Variants in ZFHX3 observed in about 807,000 individuals in gnomAD.
ZFHX3 encodes the protein zinc finger homeobox protein 3.
ZFHX3 carries 42 observed loss-of-function variants against 279.1 expected under a neutral mutation model. The observed-to-expected ratio is 0.15, with a 90% CI of 0.12 to 0.19. The LOEUF is 0.19. Ranked by LOEUF, ZFHX3 falls within the 10% of genes least tolerant of loss-of-function variation. ZFHX3 has a pLI of 1.00. For missense variants in ZFHX3, 4,981 were observed against 4,754.0 expected (o/e 1.05, Z -1.40); for synonymous variants, 2,293 against 1,957.8 (o/e 1.17, Z -4.52).
chr16:72,848,925 C>CT (rs397828697), intron 4 of ZFHX3, among the ~76,000 whole-genome samples: 11 of 66 alleles, frequency 0.17, no homozygotes, highest in East Asian at 0.5. Flanking sequence ...GCAGGCAGAG[C>CT]GCCGGGCTGC....
At chr16:73,771,105 T>A (rs2054012630) in intron 1 of ZFHX3, among the ~76,000 whole-genome samples, 1 of 152,180 alleles carries the variant, frequency 6.6e-6, no homozygotes, top group Non-Finnish European at 1.5e-5. Context: ...AGGTCAAGGA[T>A]GCTAGAGACT....
chr16:73,324,115 T>C (rs943240959), intron 3 of ZFHX3, among the ~76,000 whole-genome samples: 2 of 152,192 alleles, frequency 1.3e-5, no homozygotes, highest in African/African-American at 4.8e-5. Context: ...TGTAGCCAAG[T>C]GTAGCCAGAC....
rs758008293 is a variant in ZFHX3 at position 72,811,659 on chromosome 16, A to G, written c.3782T>C (p.Leu1261Pro). 1 of 1,613,880 alleles carries G rather than the reference A, an allele frequency of 6.2e-7. No homozygotes were observed. Among genetic ancestry groups the G allele is most frequent in the East Asian group, 2.2e-5 (1 of 44,878 alleles). ...CAGCTGGAGGTGGATCTTGTTGTTG[A>G]GCATGTCCTGGCACAGGGGGCAGCG... ...MLRCPLCQDMLNNKIHLQLHL... is the reference protein window; with the variant it reads ...MLRCPLCQDMPNNKIHLQLHL... The change falls in exon 7 of 10, where the codon CTC becomes CCC. Residue 1261 changes from leucine to proline, a missense_variant. Physicochemically the swap from Leu to Pro is moderately conservative, Grantham distance 98. Around this residue, in one of 7 missense-constraint regions of ZFHX3, gnomAD observed 1,751 missense variants for 1,770.0 expected, o/e 0.99. Coordinates refer to ENST00000268489, the MANE Select transcript of ZFHX3 (RefSeq NM_006885.4).
At chr16:73,370,512 G>C (rs906419905) in intron 3 of ZFHX3, among the ~76,000 whole-genome samples, 1 of 152,192 alleles carries the variant, frequency 6.6e-6, no homozygotes, top group Non-Finnish European at 1.5e-5. Flanking sequence ...AACACAAATA[G>C]GAAGCTCAGA....
chr16:73,156,643 C>T (rs530177797), intron 5 of ZFHX3, among the ~76,000 whole-genome samples: 5 of 152,146 alleles, frequency 3.3e-5, no homozygotes, highest in Non-Finnish European at 7.4e-5. Flanking sequence ...GCAGCCTCGA[C>T]CTCCTGGGTT....
At chr16:73,121,827 G>A (rs971066611) in intron 7 of ZFHX3, among the ~76,000 whole-genome samples, 4 of 151,908 alleles carry the variant, frequency 2.6e-5, no homozygotes, top group African/African-American at 7.3e-5. Context: ...ATGTTAGTCC[G>A]GATGGTCTGT....
At chr16:72,863,912 C>T (rs887681934) in intron 4 of ZFHX3, among the ~76,000 whole-genome samples, 1 of 152,034 alleles carries the variant, frequency 6.6e-6, no homozygotes, top group African/African-American at 2.4e-5. Flanking sequence ...GTCACGAGAT[C>T]GAGACCATCC....
rs571798967 is a variant in ZFHX3, at chr16:73,105,341, G to A, written c.-896-11743C>T. Among the ~76,000 whole-genome samples, 322 of 109,644 alleles carry A rather than the reference G, an allele frequency of 2.9e-3. 6 individuals carry two copies. The highest frequency in any genetic ancestry group is 9.7e-3 in the African/African-American group (301 of 30,968). 71.9% of individuals were successfully genotyped at this position (109,644 alleles called of 152,430 possible). A position where few individuals can be genotyped will look rare whatever the true frequency, so the allele number is the denominator to read the frequency against. On this transcript the variant is annotated intron_variant, in intron 7 of 17. Coordinates refer to the ZFHX3 transcript ENST00000641206. ...CACACATACACACACACACACGTGT[G>A]TATATATATATACACATATATATAC...
chr16:73,492,077 T>C (rs75838667), intron 2 of ZFHX3, among the ~76,000 whole-genome samples: 6,897 of 152,340 alleles, frequency 0.045, 225 homozygotes, highest in Non-Finnish European at 0.07. Context: ...GCTACATACC[T>C]ATGCAGCTGT....
intron 3 of ZFHX3, among the ~76,000 whole-genome samples, chr16:73,393,589 G>A (rs141769169): frequency 1.3e-5 from 2 of 152,306 alleles, no homozygotes; most frequent in South Asian, 2.1e-4. Flanking sequence ...GCTACTGGAC[G>A]TATGCATTCC....
Position 73,579,854 on chromosome 16 carries a change from T to TTATATATATATATATATA in ZFHX3, c.-1547+100308_-1547+100325dup, listed in dbSNP as rs200667144. On this transcript the variant is annotated intron_variant, in intron 2 of 17. Coordinates refer to the ZFHX3 transcript ENST00000641206. ...GGTTCACAAATATATATTATACAGA[T>TTATATATATATATATATA]TATATATATATATATATATACATAC... is the stretch of plus-strand genomic sequence containing the variant. Among the ~76,000 whole-genome samples the TTATATATATATATATATA allele has an allele frequency of 5.5e-3, 776 of 140,848 alleles. 9 individuals are homozygous for TTATATATATATATATATA. Among genetic ancestry groups the TTATATATATATATATATA allele is most frequent in the African/African-American group, 0.017 (605 of 36,608 alleles). 92.4% of individuals were successfully genotyped at this position (140,848 alleles called of 152,430 possible).
chr16:73,494,896 G>A (rs540679765), intron 2 of ZFHX3, among the ~76,000 whole-genome samples: 1 of 152,184 alleles, frequency 6.6e-6, no homozygotes, highest in South Asian at 2.1e-4. Flanking sequence ...GGAACCTGGG[G>A]CACTGATACA....
intron 3 of ZFHX3, among the ~76,000 whole-genome samples, chr16:73,440,110 A>G (rs2018064161): frequency 6.6e-6 from 1 of 152,152 alleles, no homozygotes; most frequent in Admixed American, 6.6e-5. Flanking sequence ...GAATAACCAC[A>G]GAGTATTTAC....
At chr16:73,386,214 CTT>C (rs2016900295) in intron 3 of ZFHX3, among the ~76,000 whole-genome samples, 1 of 152,118 alleles carries the variant, frequency 6.6e-6, no homozygotes, top group Non-Finnish European at 1.5e-5. Context: ...CTCTCTCTCT[CTT>C]TCTCTCTCTG....
At position 73,221,361 on chromosome 16, in the gene ZFHX3, T is replaced by A. The variant is rs564983623; in HGVS notation, c.-1104+35686A>T. ...ATACATCTTCAAATATAAAGATATA[T>A]TTTATTGTTATAGATTATTTATACT... On this transcript the variant is annotated intron_variant, in intron 5 of 17. Coordinates refer to the ZFHX3 transcript ENST00000641206. Among the ~76,000 whole-genome samples the A allele has an allele frequency of 6.6e-5, 10 of 152,290 alleles. No homozygotes were observed. The East Asian group carries it at 1.9e-3, about 29-fold the overall frequency.
At chr16:73,636,580 A>G (rs972858580) in intron 2 of ZFHX3, among the ~76,000 whole-genome samples, 2 of 152,104 alleles carry the variant, frequency 1.3e-5, no homozygotes, top group African/African-American at 4.8e-5. Flanking sequence ...AAATGCAGTT[A>G]ATTTAAAAAA....
intron 3 of ZFHX3, among the ~76,000 whole-genome samples, chr16:72,945,107 AGCCATCG>A (rs1960601038): frequency 6.6e-6 from 1 of 152,336 alleles, no homozygotes; most frequent in Admixed American, 6.5e-5. Context: ...TTGTGCCTAA[AGCCATCG>A]GCTGAGAGTG....
intron 2 of ZFHX3, among the ~76,000 whole-genome samples, chr16:73,459,718 G>T (rs2018439505): frequency 1.3e-5 from 2 of 152,136 alleles, no homozygotes; most frequent in African/African-American, 4.8e-5. Context: ...GTAGGCCTGA[G>T]AAAACTTACA....
chr16:73,856,866 C>G (rs956344711), intron 1 of ZFHX3, among the ~76,000 whole-genome samples: 1 of 152,176 alleles, frequency 6.6e-6, no homozygotes, highest in African/African-American at 2.4e-5. Flanking sequence ...ATAAAGCATA[C>G]AGAAAAAATG....
Sources: gnomAD v4.1 joint callset for allele counts (sites outside exome capture counted in the v4.1 genomes callset) on GRCh38, gnomAD v4.1.1 for gene constraint, gnomAD v4.1.1 regional missense constraint, MANE v1.5 for transcripts, NCBI Gene and HGNC (gene_info 2026-07-23, HGNC 2026-07-21) for gene names.